The following ANKRD18B variants were observed in gnomAD, a reference collection of about 807,000 sequenced individuals.
ANKRD18B encodes the protein ankyrin repeat domain-containing protein 18B.
A neutral mutation model predicts 111.8 loss-of-function variants in ANKRD18B; 75 were observed. The observed-to-expected ratio is 0.67, with a 90% CI of 0.56 to 0.81. ANKRD18B has a LOEUF of 0.81. Ranked by LOEUF, ANKRD18B falls within the 40% of genes least tolerant of loss-of-function variation. ANKRD18B has a pLI of 0.00. For synonymous variants in ANKRD18B, 356 were observed against 417.3 expected (o/e 0.85, Z 1.79); for missense variants, 1,038 against 1,225.5 (o/e 0.85, Z 2.28).
In ANKRD18B at chr9:33,566,110, T is replaced by C. The variant is rs1828678932; in HGVS notation, c.2461-109T>C. On this transcript the variant is annotated intron_variant, in intron 14 of 18. Transcript: ENST00000684830. ...CACATTTGAAGAATCTACTACATTA[T>C]AGATAACATTTTATTGCAAGTGGAT... is the stretch of plus-strand genomic sequence containing the variant. 6.1e-6 allele frequency: 6 copies of C among 985,732 alleles called. No individual in the cohort carries two copies. The South Asian group carries it at 9.3e-5, about 15-fold the overall frequency. The allele number at this position is 985,732 out of a possible 1,614,324, so 61.1% of individuals were successfully genotyped here. A position where few individuals can be genotyped will look rare whatever the true frequency, so the allele number is the denominator to read the frequency against.
downstream of ANKRD18B, among the ~76,000 whole-genome samples, chr9:33,574,161 C>A (rs1310245630): frequency 8.6e-6 from 1 of 116,464 alleles, no homozygotes; most frequent in Non-Finnish European, 2.1e-5. Flanking sequence ...TCAGTGGGAA[C>A]CCAGTCAGTG....
chr9:33,548,134 A>G lies in ANKRD18B; in HGVS notation c.1346A>G (p.Glu449Gly). 1 of 1,534,674 alleles carries G rather than the reference A, an allele frequency of 6.5e-7. No homozygotes were observed. The highest frequency in any genetic ancestry group is 8.8e-7 in the Non-Finnish European group (1 of 1,141,272). The change falls in exon 11 of 19, where the codon GAA (glutamate) becomes GGA (glycine). Residue 449 changes from glutamate to glycine, a missense_variant. Glu to Gly is a moderately conservative substitution (Grantham distance 98). Transcript: ENST00000684830. ...GAAAAGAGTGTAAGACTCAATGAAG[A>G]AATGATAACAAAAAAAGTGGCCCAG... ...NFEKSVRLNE[E>G]MITKKVAQYS...
intron 1 of ANKRD18B, among the ~76,000 whole-genome samples, chr9:33,528,225 T>C (rs1246316456): frequency 6.6e-6 from 1 of 152,178 alleles, no homozygotes; most frequent in Non-Finnish European, 1.5e-5. Context: ...TGTTTGAGCC[T>C]ACAAGTGCCA....
At chr9:33,545,082 G>C (rs1587265256) in intron 10 of ANKRD18B, among the ~76,000 whole-genome samples, 1 of 152,192 alleles carries the variant, frequency 6.6e-6, no homozygotes, top group East Asian at 1.9e-4. Flanking sequence ...TCTCACTCAG[G>C]TCTTATCGTT....
chr9:33,564,816 G>A (rs1464535885), intron 14 of ANKRD18B, among the ~76,000 whole-genome samples: 2 of 151,970 alleles, frequency 1.3e-5, no homozygotes, highest in African/African-American at 2.4e-5. Flanking sequence ...ATTTTTAAAT[G>A]TATTTATTGG....
intron 1 of ANKRD18B, among the ~76,000 whole-genome samples, chr9:33,528,175 C>G (rs1362491587): frequency 6.6e-6 from 1 of 152,136 alleles, no homozygotes; most frequent in Non-Finnish European, 1.5e-5. Flanking sequence ...CTGGTGCACT[C>G]CTGTGGTCCC....
intron 12 of ANKRD18B, among the ~76,000 whole-genome samples, chr9:33,550,797 T>C: frequency 6.6e-6 from 1 of 152,200 alleles, no homozygotes; most frequent in Non-Finnish European, 1.5e-5. Flanking sequence ...TCTTATAATA[T>C]CTACTCTTGG....
At chr9:33,528,177 T>C (rs913037705) in intron 1 of ANKRD18B, among the ~76,000 whole-genome samples, 3 of 152,162 alleles carry the variant, frequency 2.0e-5, no homozygotes, top group African/African-American at 7.2e-5. Context: ...GGTGCACTCC[T>C]GTGGTCCCAG....
At chr9:33,546,597 C>T (rs949676364) in intron 10 of ANKRD18B, among the ~76,000 whole-genome samples, 2 of 152,072 alleles carry the variant, frequency 1.3e-5, no homozygotes, top group Non-Finnish European at 2.9e-5. Context: ...GCAGATGAGG[C>T]CTCCCACCAC....
At chr9:33,571,158 C>T in intron 17 of ANKRD18B, 88 bp from the exon 18 acceptor site, 1 of 434,318 alleles carries the variant, frequency 2.3e-6, no homozygotes, top group Non-Finnish European at 3.2e-6. Flanking sequence ...TACTAAAGGC[C>T]ACATTTTGTA....
At chr9:33,575,032 C>G (rs10123282), downstream of ANKRD18B, among the ~76,000 whole-genome samples, 54,167 of 152,010 alleles carry the variant, frequency 0.36, 10,368 homozygotes, top group African/African-American at 0.5. Flanking sequence ...GGGACCTGCT[C>G]TCTTCTCTTC....
At position 33,568,884 on chromosome 9, in the gene ANKRD18B, C is replaced by T. The variant is rs1224502764; in HGVS notation, c.3168C>T (p.Ser1056=). Residue 1056 remains serine, a synonymous_variant, in exon 17 of 19, where the codon TCC becomes TCT. Coordinates refer to ENST00000684830, the MANE Select transcript of ANKRD18B (RefSeq NM_001393611.1). ...NPQTSNNCKN[S]LTEMELDCAE... is the part of the protein sequence containing the mutation. ...AGACTTCAAATAACTGCAAGAACTC[C>T]TTGACTGAGGTTAGTTATATGACCA... 2.6e-6 allele frequency: 4 copies of T among 1,548,262 alleles called. No individual in the cohort carries two copies. The East Asian group carries it at 7.3e-5, about 28-fold the overall frequency.
intron 5 of ANKRD18B, among the ~76,000 whole-genome samples, chr9:33,535,720 TTATTTTATATTTTATTTA>T (rs1828188124): frequency 6.8e-6 from 1 of 146,962 alleles, no homozygotes; most frequent in Non-Finnish European, 1.5e-5. Context: ...TATATTTATA[TTATTTTATATTTTATTTA>T]TATTTTATAT....
At chr9:33,546,768 G>T (rs1307706409) in intron 10 of ANKRD18B, among the ~76,000 whole-genome samples, 1 of 152,132 alleles carries the variant, frequency 6.6e-6, no homozygotes, top group Non-Finnish European at 1.5e-5. Context: ...GGCTTTGGGT[G>T]AGTTACTTAA....
At chr9:33,539,342 G>A (rs1399691731) in intron 6 of ANKRD18B, 107 bp from the exon 7 acceptor site, 2 of 161,332 alleles carry the variant, frequency 1.2e-5, no homozygotes, top group African/African-American at 4.8e-5. Flanking sequence ...TAAAATGTGG[G>A]TAGGATTTAG....
downstream of ANKRD18B, chr9:33,574,552 G>A (rs992416142): frequency 1.3e-3 from 200 of 152,418 alleles, no homozygotes; most frequent in Non-Finnish European, 1.1e-3. Context: ...TGCTCTGCTC[G>A]GCGCCCCTCC....
chr9:33,551,721 CAG>C (rs1227815961), intron 12 of ANKRD18B, among the ~76,000 whole-genome samples: 1 of 152,042 alleles, frequency 6.6e-6, no homozygotes, highest in African/African-American at 2.4e-5. Context: ...CATTCATTTA[CAG>C]GTTATTGTAT....
chr9:33,527,102 C>T (rs1828035195), intron 1 of ANKRD18B, among the ~76,000 whole-genome samples: 1 of 152,028 alleles, frequency 6.6e-6, no homozygotes, highest in East Asian at 1.9e-4. Flanking sequence ...GCTTTTTCTC[C>T]CACCTTTCAA....
At chr9:33,551,722 AG>A (rs1489396504) in intron 12 of ANKRD18B, among the ~76,000 whole-genome samples, 7 of 152,184 alleles carry the variant, frequency 4.6e-5, no homozygotes, top group African/African-American at 1.7e-4. Context: ...ATTCATTTAC[AG>A]GTTATTGTAT....
Sources: allele counts gnomAD v4.1 joint callset (sites outside exome capture counted in the v4.1 genomes callset), GRCh38; gene constraint gnomAD v4.1.1; transcripts MANE v1.5; gene names NCBI Gene and HGNC (gene_info 2026-07-23, HGNC 2026-07-21).